SNX13: variants seen among roughly 807,000 people sequenced by gnomAD.
The protein encoded by SNX13 is sorting nexin-13.
SNX13 carries 45 observed loss-of-function variants against 133.6 expected under a neutral mutation model. The observed-to-expected ratio is 0.34, with a 90% CI of 0.27 to 0.43. The LOEUF is 0.43. Among genes scored for constraint, SNX13 ranks in the 20% least tolerant of loss-of-function variants. The probability of loss-of-function intolerance (pLI) is 1.00; values close to 1 mark genes in which losing one functional copy is unlikely to be tolerated. For synonymous variants in SNX13, 414 were observed against 373.9 expected (o/e 1.11, Z -1.24); for missense variants, 1,032 against 1,145.1 (o/e 0.90, Z 1.43).
At chr7:17,799,353 C>T (rs947096434) in intron 22 of SNX13, among the ~76,000 whole-genome samples, 199 bp from the exon 23 acceptor site, 10 of 151,660 alleles carry the variant, frequency 6.6e-5, no homozygotes, top group African/African-American at 2.4e-4. Flanking sequence ...AACTTCATAG[C>T]CCCACAATAA....
chr7:17,935,978 A>G (rs1801974701), intron 1 of SNX13, among the ~76,000 whole-genome samples: 1 of 152,218 alleles, frequency 6.6e-6, no homozygotes, highest in South Asian at 2.1e-4. Context: ...ACTGTGTGTG[A>G]GCGTGGATGT....
chr7:17,890,260 C>T, intron 5 of SNX13, 103 bp downstream of exon 5: 2 of 1,137,754 alleles, frequency 1.8e-6, no homozygotes, highest in East Asian at 2.6e-5. Context: ...TGCTGTTCTA[C>T]TTACCTTTTA....
chr7:17,921,395 C>A (rs1402297118), intron 1 of SNX13, among the ~76,000 whole-genome samples: 1 of 152,150 alleles, frequency 6.6e-6, no homozygotes. Flanking sequence ...CCCAGTGATT[C>A]CATCCCTCCT....
At chr7:17,816,336 G>T in intron 18 of SNX13, 47 bp from the exon 19 acceptor site, 1 of 1,502,566 alleles carries the variant, frequency 6.7e-7, no homozygotes. Flanking sequence ...AAGACAAAAG[G>T]TTTTCCCAAG....
At chr7:17,840,130 G>C in intron 12 of SNX13, 130 bp from the exon 13 acceptor site, 1 of 678,242 alleles carries the variant, frequency 1.5e-6, no homozygotes, top group Non-Finnish European at 2.2e-6. Context: ...AAATGTTTTA[G>C]CAAATCCCTG....
intron 12 of SNX13, among the ~76,000 whole-genome samples, chr7:17,841,937 A>C (rs1244563526): frequency 4.6e-5 from 7 of 152,044 alleles, no homozygotes; most frequent in Non-Finnish European, 8.8e-5. Context: ...GGATAGATTA[A>C]TAAAAGTTTT....
chr7:17,853,009 G>A (rs1791424085), intron 9 of SNX13, among the ~76,000 whole-genome samples: 1 of 152,098 alleles, frequency 6.6e-6, no homozygotes, highest in Non-Finnish European at 1.5e-5. Flanking sequence ...GAAAAGATGT[G>A]AAAAAATATA....
At chr7:17,837,921 T>A (rs989927267) in intron 13 of SNX13, among the ~76,000 whole-genome samples, 1 of 151,860 alleles carries the variant, frequency 6.6e-6, no homozygotes, top group South Asian at 2.1e-4. Flanking sequence ...AACCTACATG[T>A]ATCATCAAAC....
At chr7:17,858,114 C>G (rs1046223073) in intron 9 of SNX13, among the ~76,000 whole-genome samples, 1 of 151,956 alleles carries the variant, frequency 6.6e-6, no homozygotes, top group African/African-American at 2.4e-5. Context: ...CTTTAAGAAC[C>G]AGGAGAAAAA....
chr7:17,916,152 A>G (rs1472220321), intron 1 of SNX13, among the ~76,000 whole-genome samples: 1 of 152,020 alleles, frequency 6.6e-6, no homozygotes, highest in African/African-American at 2.4e-5. Context: ...ACACAGTGTT[A>G]AGAGGACTAG....
chr7:17,844,111 T>C (rs901561346), intron 12 of SNX13, among the ~76,000 whole-genome samples: 3 of 151,768 alleles, frequency 2.0e-5, no homozygotes, highest in Admixed American at 6.6e-5. Context: ...AGAAAAACAA[T>C]AGTAAAAGTC....
intron 16 of SNX13, among the ~76,000 whole-genome samples, chr7:17,827,090 A>G (rs1583386657): frequency 1.3e-5 from 2 of 152,038 alleles, no homozygotes; most frequent in African/African-American, 2.4e-5. Context: ...TCTGCCTCCA[A>G]TAAAAAACCT....
At chr7:17,874,352 TAATC>T (rs1794456339) in intron 7 of SNX13, among the ~76,000 whole-genome samples, 1 of 152,218 alleles carries the variant, frequency 6.6e-6, no homozygotes, top group South Asian at 2.1e-4. Context: ...GTCTATGTGT[TAATC>T]AATTGTTTAC....
intron 1 of SNX13, among the ~76,000 whole-genome samples, chr7:17,932,686 A>C (rs28468564): frequency 0.043 from 6,565 of 152,296 alleles, 424 homozygotes; most frequent in African/African-American, 0.14. Context: ...AGGTGGGAAC[A>C]GCAGGATCAA....
intron 11 of SNX13, among the ~76,000 whole-genome samples, chr7:17,849,188 T>C (rs576871658): frequency 1.3e-5 from 2 of 152,324 alleles, no homozygotes; most frequent in South Asian, 4.1e-4. Flanking sequence ...AATTCTCTTT[T>C]CTAAACTTCC....
rs1437020545 is a variant in SNX13, at chr7:17,832,933, G to A, written c.1597+1119C>T. Among the ~76,000 whole-genome samples, 4 of 151,522 alleles carry A rather than the reference G, an allele frequency of 2.6e-5. No individual in the cohort carries two copies. The East Asian group carries it at 7.8e-4, about 29-fold the overall frequency. The stretch of plus-strand genomic sequence containing the variant: ...GGGATAGGAGGTGGAGGAGAGGGGA[G>A]GCTGGGAGACTTCCATAATAAAGGT... On this transcript the variant is annotated intron_variant, in intron 15 of 25. Coordinates refer to ENST00000428135, the MANE Select transcript of SNX13 (RefSeq NM_015132.5).
intron 12 of SNX13, among the ~76,000 whole-genome samples, chr7:17,841,816 C>T (rs899263535): frequency 2.0e-5 from 3 of 151,608 alleles, no homozygotes; most frequent in East Asian, 1.9e-4. Flanking sequence ...AGACAGAAAA[C>T]CTAGAAGAAA....
chr7:17,904,844 G>A (rs1201158251), intron 1 of SNX13, among the ~76,000 whole-genome samples: 3 of 152,154 alleles, frequency 2.0e-5, no homozygotes, highest in East Asian at 1.9e-4. Context: ...TAAGTTGAAC[G>A]TTCTTCTCCA....
At chr7:17,795,621 G>C (rs1415298577) in intron 25 of SNX13, 1 of 151,450 alleles carries the variant, frequency 6.6e-6, no homozygotes, top group Non-Finnish European at 1.5e-5. Context: ...TATTTGTTCT[G>C]TGTGTTTTTG....
Sources: allele counts gnomAD v4.1 joint callset (sites outside exome capture counted in the v4.1 genomes callset), GRCh38; gene constraint gnomAD v4.1.1; transcripts MANE v1.5; gene names NCBI Gene and HGNC (gene_info 2026-07-23, HGNC 2026-07-21).